Variants in CDKN2A observed in about 807,000 individuals in gnomAD.
CDKN2A encodes cyclin dependent kinase inhibitor 2A.
Under a neutral mutation model 11.1 loss-of-function variants are expected in CDKN2A, and 3 were observed. The observed-to-expected ratio is 0.27, with a 90% CI of 0.12 to 0.70. The LOEUF (loss-of-function observed/expected upper bound fraction) is 0.70, where lower values mean the gene tolerates loss of function less well. CDKN2A is among the 30% of genes least tolerant of loss of function. The pLI is 0.77. For synonymous variants in CDKN2A, 122 were observed against 108.1 expected (o/e 1.13, Z -0.80); for missense variants, 265 against 233.6 (o/e 1.13, Z -0.88).
intron 2 of CDKN2A, 96 bp downstream of exon 2, chr9:21,970,806 G>C (rs1405768127): frequency 6.8e-7 from 1 of 1,464,672 alleles, no homozygotes; most frequent in Non-Finnish European, 9.4e-7. Context: ...CAAGACCGGA[G>C]ACTGGTCTCC....
At chr9:21,969,419 T>A (rs746721456) in intron 2 of CDKN2A, 13 of 286,036 alleles carry the variant, frequency 4.5e-5, no homozygotes, top group Non-Finnish European at 7.1e-5. Flanking sequence ...AGACTCTTGT[T>A]TGGTCTCATT....
chr9:21,994,904 C>T (rs1300988770), exon 1 of CDKN2A: 3 of 154,192 alleles, frequency 1.9e-5, no homozygotes, highest in African/African-American at 4.8e-5. Context: ...TGGCTCCCCT[C>T]GTCGAAAGTC....
At chr9:21,969,487 A>G (rs904912146) in intron 2 of CDKN2A, 2 of 355,800 alleles carry the variant, frequency 5.6e-6, no homozygotes, top group Non-Finnish European at 1.0e-5. Context: ...ATCTAACCAT[A>G]TAATTAATTG....
exon 2 of CDKN2A, chr9:21,994,032 C>G: frequency 7.9e-7 from 1 of 1,260,464 alleles, no homozygotes; most frequent in Non-Finnish European, 1.1e-6. Context: ...CGGCGGTTAT[C>G]TCCTCCTCCT....
chr9:21,975,318 C>T (rs1819994821), upstream of CDKN2A, among the ~76,000 whole-genome samples: 1 of 152,176 alleles, frequency 6.6e-6, no homozygotes, highest in Non-Finnish European at 1.5e-5. Context: ...ATACAACCTT[C>T]CTAACTGCCA....
chr9:21,983,359 C>T (rs1394800887), intron 2 of CDKN2A, among the ~76,000 whole-genome samples: 2 of 152,012 alleles, frequency 1.3e-5, no homozygotes, highest in African/African-American at 4.8e-5. Flanking sequence ...TTAATCTTTA[C>T]ATTGTGAATA....
At chr9:21,992,024 TA>T in intron 2 of CDKN2A, 1 of 984,254 alleles carries the variant, frequency 1.0e-6, no homozygotes, top group Non-Finnish European at 1.2e-6. Context: ...ACAAATCAAC[TA>T]TGGCAATTTT....
At chr9:21,982,804 T>C (rs895875784) in intron 2 of CDKN2A, among the ~76,000 whole-genome samples, 2 of 152,074 alleles carry the variant, frequency 1.3e-5, no homozygotes, top group Non-Finnish European at 2.9e-5. Context: ...CAGTTTTATA[T>C]GTGTAATTTA....
intron 2 of CDKN2A, among the ~76,000 whole-genome samples, chr9:21,985,331 AAAT>A (rs1820275666): frequency 6.6e-6 from 1 of 151,962 alleles, no homozygotes; most frequent in African/African-American, 2.4e-5. Context: ...TCCTACTTCT[AAAT>A]AACTTCTTCA....
In CDKN2A at chr9:21,991,324, A is replaced by G. The variant is rs1182803645; in HGVS notation, c.-4+2558T>C. 6.7e-6 allele frequency among the ~76,000 whole-genome samples: 1 copy of G among 149,762 alleles called. No homozygotes were observed. Among genetic ancestry groups the G allele is most frequent in the African/African-American group, 2.5e-5 (1 of 40,524 alleles). On this transcript the variant is annotated intron_variant, in intron 2 of 3. Transcript: ENST00000494262. This position sits in a 1 kb window ranked among gnomAD's most constrained non-coding sequence, Gnocchi z 5.2. ...TTTTTTTTTTTTAAGCTCATCAGCT[A>G]TTGTTAGTGTTAGTGTATTTAATGT... is the stretch of plus-strand genomic sequence containing the variant.
rs778691942 is a variant in CDKN2A at position 21,994,122 on chromosome 9, T to C, written c.-175-69A>G. ...AAGTGCCGAATGCGCCCCGGACTTT[T>C]CGAGGGCCTTTCCTACCTGGTCTTC... On this transcript the variant is annotated intron_variant, in intron 1 of 3. Coordinates refer to the CDKN2A transcript ENST00000494262. 1.9e-6 allele frequency: 3 copies of C among 1,599,220 alleles called. No homozygotes were observed. The highest frequency in any genetic ancestry group is 2.7e-5 in the African/African-American group (2 of 74,922).
chr9:21,979,012 G>T (rs1379126349), upstream of CDKN2A, among the ~76,000 whole-genome samples: 1 of 152,184 alleles, frequency 6.6e-6, no homozygotes, highest in Non-Finnish European at 1.5e-5. Context: ...AGCACAGAAT[G>T]ATACAAGAAA....
At position 21,987,586 on chromosome 9, in the gene CDKN2A, A is replaced by AT. The variant is rs3731203; in HGVS notation, c.-4+6295dup. Reference sequence around the variant, plus strand: ...TTAAAACACAAATATATCTTGTTATATTTTTTTCTCTCAAACTATGTTCTG... The same window carrying AT: ...TTAAAACACAAATATATCTTGTTATATTTTTTTTCTCTCAAACTATGTTCTG... On this transcript the variant is annotated intron_variant, in intron 2 of 3. Transcript: ENST00000494262. Among the ~76,000 whole-genome samples the AT allele has an allele frequency of 9.9e-3, 1,507 of 152,194 alleles. 25 individuals are homozygous for AT. Among genetic ancestry groups the AT allele is most frequent in the African/African-American group, 0.033 (1,372 of 41,542 alleles).
At chr9:21,970,111 G>GTAAT in intron 2 of CDKN2A, 1 of 270,566 alleles carries the variant, frequency 3.7e-6, no homozygotes. Context: ...AAACAATTGA[G>GTAAT]TAATGTTGGC....
intron 1 of CDKN2A, among the ~76,000 whole-genome samples, chr9:21,973,861 T>A (rs1374159341): frequency 6.6e-6 from 1 of 152,170 alleles, no homozygotes; most frequent in African/African-American, 2.4e-5. Context: ...CAATATGTAG[T>A]TGCTTCTGAA....
intron 1 of CDKN2A, chr9:21,994,338 G>A (rs1820538651): frequency 1.9e-6 from 3 of 1,605,620 alleles, no homozygotes; most frequent in South Asian, 1.1e-5. Flanking sequence ...CCATGTTCTC[G>A]CCGCCTCCAG....
In CDKN2A at chr9:21,994,209, G is replaced by T; in HGVS notation, c.-175-156C>A. The T allele has an allele frequency of 6.2e-7, 1 of 1,606,200 alleles. No homozygotes were observed. On this transcript the variant is annotated intron_variant, in intron 1 of 3. Coordinates refer to the CDKN2A transcript ENST00000494262. ...GTAGCATCAGCACGAGGGCCACAGC[G>T]GCGGGCGCCCCTGGCGCTGCCCACT...
chr9:21,987,448 G>C (rs188738901), intron 2 of CDKN2A, among the ~76,000 whole-genome samples: 66,656 of 122,012 alleles, frequency 0.55, 17,929 homozygotes, highest in South Asian at 0.64. Context: ...GAGAGAGAGA[G>C]AGAGAGAGAT....
At chr9:21,993,801 G>GTGTA in intron 2 of CDKN2A, 1 of 25,276 alleles carries the variant, frequency 4.0e-5, no homozygotes, top group South Asian at 3.3e-4. Context: ...CTTTCCTACT[G>GTGTA]TGTGTGTGTG....
Sources: gnomAD v4.1 joint callset for allele counts (sites outside exome capture counted in the v4.1 genomes callset) on GRCh38, gnomAD v4.1.1 for gene constraint, Gnocchi (gnomAD v3.1) non-coding constraint, MANE v1.5 for transcripts, NCBI Gene and HGNC (gene_info 2026-07-23, HGNC 2026-07-21) for gene names.